The following THSD7B variants were observed in gnomAD, a reference collection of about 807,000 sequenced individuals.
The protein encoded by THSD7B is thrombospondin type-1 domain-containing protein 7B.
Under a neutral mutation model 213.6 loss-of-function variants are expected in THSD7B, and 138 were observed. That is an observed-to-expected ratio of 0.65 (90% confidence interval 0.56 to 0.74). The LOEUF (loss-of-function observed/expected upper bound fraction) is 0.74, where lower values mean the gene tolerates loss of function less well. Ranked by LOEUF, THSD7B falls within the 30% of genes least tolerant of loss-of-function variation. The pLI, the probability that THSD7B is intolerant of heterozygous loss-of-function variation, is 0.00. For missense variants in THSD7B, 1,931 were observed against 1,991.5 expected, an observed-to-expected ratio of 0.97 and a Z score of 0.58; for synonymous variants, 742 against 687.0, an observed-to-expected ratio of 1.08 and a Z score of -1.25.
chr2:136,767,067 G>A (rs913487024), intron 1 of THSD7B, among the ~76,000 whole-genome samples: 1 of 152,068 alleles, frequency 6.6e-6, no homozygotes, highest in Admixed American at 6.6e-5. Context: ...GGATGTCAAA[G>A]GGATACAGTT....
Position 137,411,596 on chromosome 2 carries a change from C to T in THSD7B, c.2696-13C>T. The T allele has an allele frequency of 2.5e-6, 4 of 1,602,134 alleles. No individual in the cohort carries two copies. The highest frequency in any genetic ancestry group is 3.4e-6 in the Non-Finnish European group (4 of 1,172,886). On this transcript the variant is annotated splice_polypyrimidine_tract_variant and intron_variant, in intron 13 of 27. Coordinates refer to ENST00000409968, the MANE Select transcript of THSD7B (RefSeq NM_001316349.2). ...ATAAGCATTTAATATCTTAATGTCTCTTGTTGGAACAGGGAAAAGCAGAAA... is the reference window on the plus strand; with the variant it reads ...ATAAGCATTTAATATCTTAATGTCTTTTGTTGGAACAGGGAAAAGCAGAAA...
chr2:137,163,753 G>A (rs888355088), intron 6 of THSD7B, among the ~76,000 whole-genome samples: 4 of 152,180 alleles, frequency 2.6e-5, no homozygotes, highest in African/African-American at 9.7e-5. Context: ...CTAATACACT[G>A]CCCAACTTTG....
chr2:137,062,340 G>A (rs967773260), intron 3 of THSD7B, among the ~76,000 whole-genome samples: 1 of 150,014 alleles, frequency 6.7e-6, no homozygotes, highest in South Asian at 2.1e-4. Flanking sequence ...CATTGATTTT[G>A]ACTCTGATTT....
At position 137,655,639 on chromosome 2, in the gene THSD7B, C is replaced by A. The variant is rs572486482; in HGVS notation, c.4084C>A (p.Leu1362Met). Residue 1362 changes from leucine (L) to methionine (M), a missense_variant, in exon 22 of 28, where the codon CTG becomes ATG. By Grantham distance (15) the Leu-to-Met change is conservative. Coordinates refer to ENST00000409968, the MANE Select transcript of THSD7B (RefSeq NM_001316349.2). Reference protein sequence around the residue: ...MPFQDSILKQLCSVPCPGDCH... With the variant: ...MPFQDSILKQMCSVPCPGDCH... ...CTTTCAGGACAGCATCCTGAAGCAG[C>A]TGTGTTCTGTGCCTTGCCCAGGTAT... 1.2e-5 allele frequency: 19 copies of A among 1,613,128 alleles called. No homozygotes were observed. The East Asian group carries it at 4.2e-4, about 36-fold the overall frequency.
At chr2:136,849,259 T>C (rs1031533254) in intron 1 of THSD7B, among the ~76,000 whole-genome samples, 1 of 152,200 alleles carries the variant, frequency 6.6e-6, no homozygotes, top group Non-Finnish European at 1.5e-5. Flanking sequence ...ATATGTTGTT[T>C]CGTTTATTGC....
Position 137,115,231 on chromosome 2 carries a change from AGACCCGG to A in THSD7B, c.1310_1316del (p.Thr437ArgfsTer14). The A allele has an allele frequency of 6.2e-7, 1 of 1,613,516 alleles. No homozygotes were observed. Among genetic ancestry groups the A allele is most frequent in the Non-Finnish European group, 8.5e-7 (1 of 1,179,664 alleles). On this transcript the variant is annotated frameshift_variant, in exon 5 of 28. Coordinates refer to ENST00000409968, the MANE Select transcript of THSD7B (RefSeq NM_001316349.2). LOFTEE classifies it high-confidence loss of function. ...GGACCCGTGTGTGGCGGTGGGATCC[AGACCCGG>A]GAGGTGTACTGTGCCCAGAGCGTAC...
At chr2:137,301,004 A>G (rs1683586724) in intron 12 of THSD7B, among the ~76,000 whole-genome samples, 1 of 152,128 alleles carries the variant, frequency 6.6e-6, no homozygotes, top group Admixed American at 6.5e-5. Context: ...GAAGTCCCTT[A>G]TTGCAATTAT....
At chr2:137,001,727 C>T (rs1380431028) in intron 2 of THSD7B, among the ~76,000 whole-genome samples, 1 of 152,054 alleles carries the variant, frequency 6.6e-6, no homozygotes, top group Non-Finnish European at 1.5e-5. Flanking sequence ...AATCTTTGAC[C>T]ATTTATCTAT....
intron 2 of THSD7B, among the ~76,000 whole-genome samples, chr2:137,032,327 A>C (rs565062523): frequency 3.3e-5 from 5 of 152,274 alleles, no homozygotes; most frequent in Admixed American, 2.0e-4. Flanking sequence ...TCTCTGCTTA[A>C]ATGGCATTTC....
chr2:136,932,387 C>T (rs1684645779), intron 2 of THSD7B, among the ~76,000 whole-genome samples: 1 of 152,164 alleles, frequency 6.6e-6, no homozygotes. Context: ...AGTGAAAATA[C>T]AGTTCACCCT....
intron 15 of THSD7B, among the ~76,000 whole-genome samples, chr2:137,512,611 C>A (rs754179700): frequency 5.9e-5 from 9 of 151,756 alleles, no homozygotes; most frequent in Non-Finnish European, 1.2e-4. Context: ...CAGGACATAT[C>A]TTGAACTCTT....
chr2:137,010,775 G>A (rs899621836), intron 2 of THSD7B, among the ~76,000 whole-genome samples: 8 of 152,210 alleles, frequency 5.3e-5, no homozygotes, highest in African/African-American at 1.9e-4. Flanking sequence ...TAATAGATGA[G>A]ACAAAGTTCC....
intron 1 of THSD7B, among the ~76,000 whole-genome samples, chr2:136,792,128 G>A (rs1046948022): frequency 2.0e-5 from 3 of 151,892 alleles, no homozygotes; most frequent in Admixed American, 2.0e-4. Flanking sequence ...ATGATGTTGT[G>A]CATTTTTGCA....
At chr2:137,546,805 T>C (rs1680750281) in intron 15 of THSD7B, among the ~76,000 whole-genome samples, 1 of 151,650 alleles carries the variant, frequency 6.6e-6, no homozygotes, top group South Asian at 2.1e-4. Flanking sequence ...TCTTAATTGT[T>C]TATTGCATGC....
At chr2:137,462,010 G>A (rs1429750466) in intron 15 of THSD7B, among the ~76,000 whole-genome samples, 1 of 152,120 alleles carries the variant, frequency 6.6e-6, no homozygotes, top group African/African-American at 2.4e-5. Flanking sequence ...ATTATACATA[G>A]TAATCTGCCT....
intron 2 of THSD7B, among the ~76,000 whole-genome samples, chr2:136,910,581 T>C (rs1266118183): frequency 3.9e-5 from 6 of 152,194 alleles, no homozygotes; most frequent in Non-Finnish European, 2.9e-5. Context: ...TGTTAGTGAA[T>C]GTTATGAAAA....
intron 12 of THSD7B, among the ~76,000 whole-genome samples, chr2:137,361,972 G>A (rs1305353497): frequency 6.6e-6 from 1 of 151,984 alleles, no homozygotes; most frequent in South Asian, 2.1e-4. Flanking sequence ...AATGTTAAGG[G>A]CAGCCAGAGA....
chr2:137,333,199 G>A (rs1684554026), intron 12 of THSD7B, among the ~76,000 whole-genome samples: 2 of 152,078 alleles, frequency 1.3e-5, no homozygotes, highest in South Asian at 4.1e-4. Context: ...TTCATCCCCT[G>A]CCCAGCAGCA....
intron 14 of THSD7B, among the ~76,000 whole-genome samples, chr2:137,429,582 C>T (rs1381374440): frequency 6.6e-6 from 1 of 152,124 alleles, no homozygotes; most frequent in Non-Finnish European, 1.5e-5. Context: ...AAATGTAAAA[C>T]ATACCAAAAG....
Sources: gnomAD v4.1 joint callset for allele counts (sites outside exome capture counted in the v4.1 genomes callset) on GRCh38, gnomAD v4.1.1 for gene constraint, MANE v1.5 for transcripts, NCBI Gene and HGNC (gene_info 2026-07-23, HGNC 2026-07-21) for gene names.